The following ZNF565 variants were observed in gnomAD, a reference collection of about 807,000 sequenced individuals.
The protein encoded by ZNF565 is zinc finger protein 565.
ZNF565 carries 27 observed loss-of-function variants against 39.4 expected under a neutral mutation model. The observed-to-expected ratio is 0.69, with a 90% CI of 0.51 to 0.95. The LOEUF (loss-of-function observed/expected upper bound fraction) is 0.95, where lower values mean the gene tolerates loss of function less well. Among genes scored for constraint, ZNF565 ranks in the 40% least tolerant of loss-of-function variants. The pLI, the probability that ZNF565 is intolerant of heterozygous loss-of-function variation, is 0.00. For synonymous variants in ZNF565, 185 were observed against 216.6 expected (o/e 0.85, Z 1.28); for missense variants, 524 against 621.1 (o/e 0.84, Z 1.66).
chr19:36,238,810 T>C lies in ZNF565; in HGVS notation c.55+6666A>G, dbSNP rs1229383523. On this transcript the variant is annotated intron_variant, in intron 1 of 4. Transcript: ENST00000355114. ...TTATTTTAACATGGCATACACACTA[T>C]ATCGGGGTCCCCAGCTCCCCCCAGC... 3.6e-5 allele frequency: 6 copies of C among 166,126 alleles called. No homozygotes were observed. In the East Asian group the frequency reaches 1.2e-3, roughly 32 times the overall value. The allele number at this position is 166,126 out of a possible 1,614,324, so 10.3% of individuals were successfully genotyped here.
At chr19:36,203,455 C>T (rs1320428800) in intron 1 of ZNF565, 2 of 152,130 alleles carry the variant, frequency 1.3e-5, no homozygotes, top group Non-Finnish European at 2.9e-5. Flanking sequence ...ACCTTCCGAC[C>T]ATCTACTGCT....
At chr19:36,218,871 C>A (rs889060646), upstream of ZNF565, among the ~76,000 whole-genome samples, 2 of 150,136 alleles carry the variant, frequency 1.3e-5, no homozygotes, top group Non-Finnish European at 3.0e-5. Flanking sequence ...TGCAGTGGTG[C>A]TATCTTGGCT....
intron 1 of ZNF565, chr19:36,238,035 G>T (rs750226785): frequency 6.0e-6 from 1 of 167,038 alleles, no homozygotes; most frequent in Non-Finnish European, 1.5e-5. Flanking sequence ...CAGGAAATAC[G>T]CACTAGGATA....
Position 36,245,240 on chromosome 19 carries a change from A to G in ZNF565, c.55+236T>C, listed in dbSNP as rs2029887645. ...TTGGCAGCTCCCTCGGTTTAGAGCT[A>G]CAGGGTTTTCTCCCTCCCCTGAGAC... is the stretch of plus-strand genomic sequence containing the variant. On this transcript the variant is annotated intron_variant, in intron 1 of 4. Coordinates refer to the ZNF565 transcript ENST00000355114. The surrounding 1 kb of genome is among the most constrained non-coding windows in gnomAD (Gnocchi z 4.4). Among the ~76,000 whole-genome samples the G allele has an allele frequency of 6.6e-6, 1 of 152,118 alleles. No individual in the cohort carries two copies. Among genetic ancestry groups the G allele is most frequent in the South Asian group, 2.1e-4 (1 of 4,830 alleles).
chr19:36,195,616 C>T (rs1260947264), intron 2 of ZNF565, among the ~76,000 whole-genome samples: 2 of 142,884 alleles, frequency 1.4e-5, no homozygotes, highest in Non-Finnish European at 3.0e-5. Flanking sequence ...ACGATCTCAG[C>T]TCACCACAAC....
chr19:36,204,755 C>T (rs1022833515), intron 1 of ZNF565, among the ~76,000 whole-genome samples: 2 of 152,020 alleles, frequency 1.3e-5, no homozygotes, highest in African/African-American at 4.8e-5. Flanking sequence ...TTTGGGAGGC[C>T]GAGGTGGGCT....
rs953722974 is a variant in ZNF565, at chr19:36,201,210, G to C, written c.9+767C>G. On this transcript the variant is annotated intron_variant, in intron 2 of 4. Coordinates refer to ENST00000304116, the MANE Select transcript of ZNF565 (RefSeq NM_152477.5). ...CTAGCTACTTGGGAGGCTGAGGTGG[G>C]AGGATTGCTTAAGCCCAGGAGGTTG... Among the ~76,000 whole-genome samples the C allele has an allele frequency of 2.0e-5, 3 of 152,018 alleles. No homozygotes were observed. The East Asian group carries it at 5.8e-4, about 29-fold the overall frequency.
At chr19:36,201,806 G>GAGAGGAGCACT (rs1398257135) in intron 2 of ZNF565, among the ~76,000 whole-genome samples, 171 bp downstream of exon 2, 6 of 152,132 alleles carry the variant, frequency 3.9e-5, no homozygotes, top group Admixed American at 1.3e-4. Flanking sequence ...CAGACACGTG[G>GAGAGGAGCACT]ACAGTGCTGG....
chr19:36,198,999 T>G (rs994213637), intron 2 of ZNF565, among the ~76,000 whole-genome samples: 3 of 152,212 alleles, frequency 2.0e-5, no homozygotes, highest in African/African-American at 7.2e-5. Flanking sequence ...GATGTGCTTA[T>G]TTCACACTGC....
chr19:36,200,563 A>C (rs1230162482), intron 2 of ZNF565, among the ~76,000 whole-genome samples: 1 of 150,552 alleles, frequency 6.6e-6, no homozygotes, highest in East Asian at 1.9e-4. Context: ...ATCTCGGCTC[A>C]CTGCAACCTC....
chr19:36,241,498 AAAAAAG>A (rs1568440398), intron 1 of ZNF565, among the ~76,000 whole-genome samples: 1 of 141,244 alleles, frequency 7.1e-6, no homozygotes, highest in Non-Finnish European at 1.5e-5. Context: ...AAAAAAAAAA[AAAAAAG>A]TGTTGGGGCC....
At chr19:36,214,573 G>C (rs931944414) in intron 1 of ZNF565, 49 bp downstream of exon 1, 1 of 153,168 alleles carries the variant, frequency 6.5e-6, no homozygotes, top group African/African-American at 2.4e-5. Flanking sequence ...GCACAGATTC[G>C]AGGCTCCGGA....
chr19:36,201,092 C>T (rs1375735429), intron 2 of ZNF565, among the ~76,000 whole-genome samples: 3 of 152,036 alleles, frequency 2.0e-5, no homozygotes, highest in East Asian at 1.9e-4. Flanking sequence ...AATTGAGCCC[C>T]GGAGTTTGAG....
At chr19:36,185,800 T>A (rs1335088021) in intron 4 of ZNF565, among the ~76,000 whole-genome samples, 1 of 151,100 alleles carries the variant, frequency 6.6e-6, no homozygotes, top group African/African-American at 2.4e-5. Flanking sequence ...TTCAAGTGAT[T>A]CTCCTGCCTC....
At chr19:36,227,445 G>A (rs574320572) in intron 1 of ZNF565, among the ~76,000 whole-genome samples, 11 of 151,450 alleles carry the variant, frequency 7.3e-5, no homozygotes, top group East Asian at 5.8e-4. Context: ...CTATTCATAG[G>A]CATGATCATG....
At chr19:36,236,096 C>A (rs1977635712) in intron 1 of ZNF565, 2 of 211,950 alleles carry the variant, frequency 9.4e-6, no homozygotes, top group South Asian at 2.5e-4. Context: ...ACGTGCAAGT[C>A]ATGCTGAAGA....
chr19:36,197,011 T>C (rs1420699726), intron 2 of ZNF565, among the ~76,000 whole-genome samples: 2 of 149,434 alleles, frequency 1.3e-5, no homozygotes, highest in East Asian at 2.0e-4. Flanking sequence ...TGCTGATTTG[T>C]GCCACCACAC....
At chr19:36,189,295 A>G (rs976079582) in intron 4 of ZNF565, among the ~76,000 whole-genome samples, 1 of 136,106 alleles carries the variant, frequency 7.3e-6, no homozygotes, top group African/African-American at 2.6e-5. Context: ...TCTCACAAAA[A>G]TAAATAAATA....
intron 1 of ZNF565, chr19:36,236,513 T>C: frequency 3.1e-6 from 5 of 1,614,184 alleles, no homozygotes; most frequent in Non-Finnish European, 4.2e-6. Context: ...TGGAAAAGTC[T>C]TCAGCCACAA....
Sources: gnomAD v4.1 joint callset for allele counts (sites outside exome capture counted in the v4.1 genomes callset) on GRCh38, gnomAD v4.1.1 for gene constraint, Gnocchi (gnomAD v3.1) non-coding constraint, MANE v1.5 for transcripts, NCBI Gene and HGNC (gene_info 2026-07-23, HGNC 2026-07-21) for gene names.